Variants in MTUS2 observed in about 807,000 individuals in gnomAD.
MTUS2 encodes microtubule associated scaffold protein 2.
A neutral mutation model predicts 114.1 loss-of-function variants in MTUS2; 40 were observed. That is an observed-to-expected ratio of 0.35 (90% CI 0.27 to 0.46). The LOEUF (loss-of-function observed/expected upper bound fraction) is 0.46, where lower values mean the gene tolerates loss of function less well. Among genes scored for constraint, MTUS2 ranks in the 20% least tolerant of loss-of-function variants. MTUS2 has a pLI of 1.00. For missense variants in MTUS2, 1,679 were observed against 1,705.4 expected (o/e 0.98, Z 0.27); for synonymous variants, 688 against 672.0 (o/e 1.02, Z -0.37).
chr13:29,435,522 G>A (rs913207061), intron 8 of MTUS2, among the ~76,000 whole-genome samples: 3 of 152,142 alleles, frequency 2.0e-5, no homozygotes, highest in African/African-American at 4.8e-5. Context: ...AGTCCCGGGT[G>A]TTCAACAGAA....
chr13:29,272,389 A>C (rs1056570291), intron 5 of MTUS2, among the ~76,000 whole-genome samples: 2 of 152,232 alleles, frequency 1.3e-5, no homozygotes, highest in African/African-American at 4.8e-5. Flanking sequence ...GAGTTTGGCT[A>C]TGATGCCATC....
In MTUS2 at chr13:29,480,214, G is replaced by C. The variant is rs1311246018; in HGVS notation, c.3249G>C (p.Glu1083Asp). Residue 1083 changes from glutamate to aspartate, a missense_variant, in exon 10 of 16, where the codon GAG becomes GAC. Around this residue, in one of 3 missense-constraint regions of MTUS2, gnomAD observed 822 missense variants for 899.7 expected, o/e 0.91. Coordinates refer to ENST00000612955, the MANE Select transcript of MTUS2 (RefSeq NM_001033602.4). This position sits in a 1 kb window ranked among gnomAD's most constrained non-coding sequence, Gnocchi z 4.4. ...KEKEELERRFEDEVKRLGWQQ... is the reference protein window; with the variant it reads ...KEKEELERRFDDEVKRLGWQQ... ...AGGAGGAGCTGGAGAGGCGGTTCGA[G>C]GACGAGGTGAAGAGGCTGGGCTGGC... The C allele has an allele frequency of 6.4e-7, 1 of 1,555,456 alleles. No homozygotes were observed. Among genetic ancestry groups the C allele is most frequent in the Admixed American group, 1.9e-5 (1 of 51,802 alleles).
intron 5 of MTUS2, among the ~76,000 whole-genome samples, chr13:29,141,841 GA>G (rs1223394356): frequency 1.3e-5 from 2 of 151,822 alleles, no homozygotes; most frequent in African/African-American, 2.4e-5. Context: ...AAAACAGCTT[GA>G]AGTCTAAATG....
intron 1 of MTUS2, among the ~76,000 whole-genome samples, chr13:28,822,452 A>G (rs1281189032): frequency 6.6e-6 from 1 of 152,208 alleles, no homozygotes; most frequent in Non-Finnish European, 1.5e-5. Flanking sequence ...GAGAGGTAAG[A>G]ATAGCATCTG....
At chr13:29,402,492 G>A (rs548140979) in intron 8 of MTUS2, among the ~76,000 whole-genome samples, 38 of 151,436 alleles carry the variant, frequency 2.5e-4, no homozygotes, top group African/African-American at 8.2e-4. Context: ...ATAATAGTGG[G>A]CAGCAGCCAC....
chr13:28,872,752 A>T (rs1402456175), intron 2 of MTUS2, among the ~76,000 whole-genome samples: 1 of 152,182 alleles, frequency 6.6e-6, no homozygotes, highest in Non-Finnish European at 1.5e-5. Flanking sequence ...GATTTGCCTA[A>T]CATCTCCCAT....
chr13:28,981,755 C>T (rs555942512), intron 2 of MTUS2, among the ~76,000 whole-genome samples: 3 of 152,122 alleles, frequency 2.0e-5, no homozygotes, highest in South Asian at 2.1e-4. Flanking sequence ...TAGCTGTCAT[C>T]GGTGGCCCTG....
At chr13:29,247,849 T>TA (rs1896982652) in intron 5 of MTUS2, among the ~76,000 whole-genome samples, 1 of 152,222 alleles carries the variant, frequency 6.6e-6, no homozygotes, top group Admixed American at 6.5e-5. Flanking sequence ...GGAGATTCCT[T>TA]AAAGAATTCA....
At chr13:29,306,945 C>T (rs1270840596) in intron 6 of MTUS2, 1 of 544,818 alleles carries the variant, frequency 1.8e-6, no homozygotes, top group African/African-American at 1.9e-5. Context: ...ATGGCAAATT[C>T]CATGGCACTG....
chr13:28,980,770 C>T (rs1340243114), intron 2 of MTUS2, among the ~76,000 whole-genome samples: 3 of 152,094 alleles, frequency 2.0e-5, no homozygotes, highest in Admixed American at 6.5e-5. Flanking sequence ...GTGTTTTTGT[C>T]GTTGTTGTTT....
At chr13:28,849,933 C>T (rs998819934) in intron 2 of MTUS2, among the ~76,000 whole-genome samples, 2 of 152,142 alleles carry the variant, frequency 1.3e-5, no homozygotes, top group African/African-American at 4.8e-5. Context: ...CTCTCTTACC[C>T]CCTCCAAATC....
intron 5 of MTUS2, among the ~76,000 whole-genome samples, chr13:29,180,552 G>A (rs1198261694): frequency 1.3e-5 from 2 of 152,186 alleles, no homozygotes; most frequent in Non-Finnish European, 2.9e-5. Context: ...GGCATAGGTG[G>A]ACATCTGTCT....
At position 29,018,399 on chromosome 13, in the gene MTUS2, A is replaced by G. The variant is rs573202358; in HGVS notation, c.-242-6058A>G. Among the ~76,000 whole-genome samples, 21 of 152,314 alleles carry G rather than the reference A, an allele frequency of 1.4e-4. No homozygotes were observed. The South Asian group carries it at 4.1e-3, about 30-fold the overall frequency. On this transcript the variant is annotated intron_variant, in intron 2 of 15. Coordinates refer to ENST00000612955, the MANE Select transcript of MTUS2 (RefSeq NM_001033602.4). ...GTATTGCACCAAAAAAACATGGGTC[A>G]CTGGAAATCAAAGCCTAAAATGGAT...
chr13:28,935,381 A>T (rs948573450), intron 2 of MTUS2, among the ~76,000 whole-genome samples: 2 of 152,242 alleles, frequency 1.3e-5, no homozygotes, highest in Admixed American at 1.3e-4. Flanking sequence ...GAGAATTCCA[A>T]AGTTTTTGCA....
intron 2 of MTUS2, among the ~76,000 whole-genome samples, chr13:29,010,881 G>A (rs1034473059): frequency 2.0e-5 from 3 of 152,132 alleles, no homozygotes; most frequent in African/African-American, 7.2e-5. Flanking sequence ...GATGGTGGAG[G>A]ACTATGTGGG....
chr13:28,976,067 G>A (rs1039643978), intron 2 of MTUS2, among the ~76,000 whole-genome samples: 4 of 151,894 alleles, frequency 2.6e-5, no homozygotes, highest in African/African-American at 4.8e-5. Flanking sequence ...AGGCAGGTGC[G>A]GTGGTGCACA....
In MTUS2 at chr13:29,214,512, G is replaced by A. The variant is rs146063627; in HGVS notation, c.2645-67192G>A. On this transcript the variant is annotated intron_variant, in intron 5 of 15. Transcript: ENST00000612955. ...TACCTGGTACTGGTTGTTCCTTTCCGTGGTTAGTGCTTCCTTCAGGAGCAT... is the reference window on the plus strand; with the variant it reads ...TACCTGGTACTGGTTGTTCCTTTCCATGGTTAGTGCTTCCTTCAGGAGCAT... Among the ~76,000 whole-genome samples, 212 of 152,188 alleles carry A rather than the reference G, an allele frequency of 1.4e-3. 1 individual carries two copies. Among genetic ancestry groups the A allele is most frequent in the African/African-American group, 4.5e-3 (185 of 41,516 alleles).
intron 5 of MTUS2, among the ~76,000 whole-genome samples, chr13:29,121,691 T>C (rs1198288297): frequency 1.3e-5 from 2 of 151,926 alleles, no homozygotes; most frequent in Non-Finnish European, 2.9e-5. Context: ...AGCTTTGCTC[T>C]TGTTACCCTG....
rs1195802158 is a variant in MTUS2, at chr13:29,354,298, C to T, written c.2906-4964C>T. 2.8e-5 allele frequency among the ~76,000 whole-genome samples: 4 copies of T among 143,400 alleles called. No individual in the cohort carries two copies. The East Asian group carries it at 6.4e-4, about 23-fold the overall frequency. The allele number at this position is 143,400 out of a possible 152,430, so 94.1% of individuals were successfully genotyped here. A position where few individuals can be genotyped will look rare whatever the true frequency, so the allele number is the denominator to read the frequency against. ...GAGAGGGTAAGTCTAATCCCACTTA[C>T]TTCATCTTGGCCAGAAGTAGCCATA... is the stretch of plus-strand genomic sequence containing the variant. On this transcript the variant is annotated intron_variant, in intron 7 of 15. Transcript: ENST00000612955.
Sources: gnomAD v4.1 joint callset for allele counts (sites outside exome capture counted in the v4.1 genomes callset) on GRCh38, gnomAD v4.1.1 for gene constraint, gnomAD v4.1.1 regional missense constraint, Gnocchi (gnomAD v3.1) non-coding constraint, MANE v1.5 for transcripts, NCBI Gene and HGNC (gene_info 2026-07-23, HGNC 2026-07-21) for gene names.